IKZF3: variants seen among roughly 807,000 people sequenced by gnomAD.
The protein encoded by IKZF3 is zinc finger protein Aiolos.
In IKZF3, 10 loss-of-function variants were observed where a neutral mutation model predicts 49.0. The observed-to-expected ratio is 0.20, with a 90% CI of 0.13 to 0.35. The LOEUF is 0.35. IKZF3 is among the 10% of genes least tolerant of loss of function. The probability of loss-of-function intolerance (pLI) is 1.00; values close to 1 mark genes in which losing one functional copy is unlikely to be tolerated. For missense variants in IKZF3, 498 were observed against 664.8 expected, an observed-to-expected ratio of 0.75 and a Z score of 2.76; for synonymous variants, 209 against 228.2, an observed-to-expected ratio of 0.92 and a Z score of 0.76.
chr17:39,843,610 A>G (rs1371916743), intron 1 of IKZF3, among the ~76,000 whole-genome samples: 2 of 152,164 alleles, frequency 1.3e-5, no homozygotes, highest in South Asian at 2.1e-4. Flanking sequence ...AATAGCTCTC[A>G]ATATTTTTAA....
intron 1 of IKZF3, 92 bp from the exon 2 acceptor site, chr17:39,832,243 A>C: frequency 1.2e-6 from 1 of 835,532 alleles, no homozygotes; most frequent in Non-Finnish European, 2.0e-6. Context: ...CCATTTCGGA[A>C]AACTTAACAG....
chr17:39,837,283 C>T (rs894872525), intron 1 of IKZF3, among the ~76,000 whole-genome samples: 3 of 152,012 alleles, frequency 2.0e-5, no homozygotes, highest in Admixed American at 6.5e-5. Flanking sequence ...TCTGGTATCA[C>T]GTCCCTACAG....
At chr17:39,822,004 C>G (rs1171880283) in intron 3 of IKZF3, among the ~76,000 whole-genome samples, 1 of 152,150 alleles carries the variant, frequency 6.6e-6, no homozygotes, top group African/African-American at 2.4e-5. Flanking sequence ...GGAACAATCA[C>G]AGATGGCTAC....
intron 1 of IKZF3, among the ~76,000 whole-genome samples, chr17:39,851,070 TAG>T (rs948830503): frequency 2.0e-5 from 3 of 147,472 alleles, no homozygotes; most frequent in African/African-American, 7.5e-5. Flanking sequence ...TATATATATA[TAG>T]AGAGAGAGGG....
intron 3 of IKZF3, among the ~76,000 whole-genome samples, chr17:39,800,649 C>G (rs542583248): frequency 6.6e-6 from 1 of 152,092 alleles, no homozygotes; most frequent in Non-Finnish European, 1.5e-5. Context: ...ATGACACACA[C>G]GAACACACAC....
In IKZF3 at chr17:39,825,554, G is replaced by A. The variant is rs116860191; in HGVS notation, c.163+3833C>T. Among the ~76,000 whole-genome samples the A allele has an allele frequency of 6.7e-4, 102 of 152,298 alleles. 3 individuals carry two copies. In the East Asian group the frequency reaches 0.012, roughly 18 times the overall value. ...CATAGAGATGGTCTCTGGTTGACTG[G>A]TATCTGGCCCTGGGATGACTTAGGG... On this transcript the variant is annotated intron_variant, in intron 3 of 7. Coordinates refer to ENST00000346872, the MANE Select transcript of IKZF3 (RefSeq NM_012481.5).
At chr17:39,798,720 T>C (rs1284650279) in intron 3 of IKZF3, among the ~76,000 whole-genome samples, 1 of 152,150 alleles carries the variant, frequency 6.6e-6, no homozygotes, top group Non-Finnish European at 1.5e-5. Context: ...TTAGCCAGGA[T>C]GGTCTCAATC....
intron 3 of IKZF3, among the ~76,000 whole-genome samples, chr17:39,825,890 G>A (rs1282461570): frequency 6.6e-6 from 1 of 152,112 alleles, no homozygotes; most frequent in Non-Finnish European, 1.5e-5. Context: ...GGTACCTTAG[G>A]AATGAAAGGA....
chr17:39,830,052 T>A (rs1050152484), intron 2 of IKZF3, among the ~76,000 whole-genome samples: 1 of 152,250 alleles, frequency 6.6e-6, no homozygotes, highest in Non-Finnish European at 1.5e-5. Flanking sequence ...TAAAGGGCAC[T>A]CATGTTCCTT....
At chr17:39,792,963 A>G (rs1047907755) in intron 3 of IKZF3, 30 bp from the exon 4 acceptor site, 5 of 1,606,346 alleles carry the variant, frequency 3.1e-6, no homozygotes, top group Non-Finnish European at 4.3e-6. Flanking sequence ...AGAAATGAAC[A>G]ACGACTATAC....
chr17:39,840,017 C>T (rs1427016662), intron 1 of IKZF3, among the ~76,000 whole-genome samples: 2 of 152,130 alleles, frequency 1.3e-5, no homozygotes, highest in Admixed American at 6.5e-5. Context: ...ACTCAAACTC[C>T]GTCTCACCTG....
At chr17:39,773,597 A>G (rs1237538615) in intron 7 of IKZF3, among the ~76,000 whole-genome samples, 4 of 152,218 alleles carry the variant, frequency 2.6e-5, no homozygotes, top group Admixed American at 1.3e-4. Context: ...ACTTCCTTTA[A>G]TAAAGTAATA....
chr17:39,785,438 T>A (rs1158139439), intron 6 of IKZF3, among the ~76,000 whole-genome samples: 1 of 152,176 alleles, frequency 6.6e-6, no homozygotes, highest in African/African-American at 2.4e-5. Context: ...CAAACCACCC[T>A]ATGAAATGCA....
At chr17:39,773,965 GAAAC>G (rs547113768) in intron 7 of IKZF3, among the ~76,000 whole-genome samples, 122 of 150,894 alleles carry the variant, frequency 8.1e-4, no homozygotes, top group African/African-American at 2.9e-3. Flanking sequence ...TTTCCCATTT[GAAAC>G]AAAGACATAC....
rs1049803237 is a variant in IKZF3 at position 39,760,540 on chromosome 17, T to G, written c.*5250A>C. ...GGTTTCTCCATGTTGGTCAGGCTGG[T>G]CTCGAACTCCCAAACTCAGGTGATC... On this transcript the variant is annotated 3_prime_UTR_variant, in exon 8 of 8. Coordinates refer to ENST00000346872, the MANE Select transcript of IKZF3 (RefSeq NM_012481.5). The G allele has an allele frequency of 1.3e-5, 2 of 152,256 alleles. No individual in the cohort carries two copies. Among genetic ancestry groups the G allele is most frequent in the Non-Finnish European group, 2.9e-5 (2 of 68,112 alleles). The allele number at this position is 152,256 out of a possible 1,614,324, so 9.4% of individuals were successfully genotyped here.
chr17:39,765,204 A>T lies in IKZF3; in HGVS notation c.*586T>A, dbSNP rs528385729. 8.7e-4 allele frequency: 133 copies of T among 152,482 alleles called. No homozygotes were observed. The highest frequency in any genetic ancestry group is 3.1e-3 in the African/African-American group (127 of 41,548). 9.4% of individuals were successfully genotyped at this position (152,482 alleles called of 1,614,324 possible). Reference sequence around the variant, plus strand: ...GAAGTGCCATCAGATGACATTTTTTAAAAATGTTGTGATAGGAAATGGATC... The same window carrying T: ...GAAGTGCCATCAGATGACATTTTTTTAAAATGTTGTGATAGGAAATGGATC... On this transcript the variant is annotated 3_prime_UTR_variant, in exon 8 of 8. Transcript: ENST00000346872.
intron 1 of IKZF3, among the ~76,000 whole-genome samples, chr17:39,853,953 C>G (rs1048389797): frequency 1.4e-5 from 2 of 147,636 alleles, no homozygotes; most frequent in African/African-American, 5.0e-5. Context: ...TATGGTGAAA[C>G]CTGTCTCTAC....
chr17:39,829,447 G>A lies in IKZF3; in HGVS notation c.103C>T (p.His35Tyr). 1.9e-6 allele frequency: 3 copies of A among 1,614,018 alleles called. No homozygotes were observed. The highest frequency in any genetic ancestry group is 2.5e-6 in the Non-Finnish European group (3 of 1,179,920). Residue 35 changes from histidine to tyrosine, a missense_variant, in exon 3 of 8, where the codon CAT becomes TAT. Around this residue, in one of 3 missense-constraint regions of IKZF3, gnomAD observed 97 missense variants for 98.9 expected, o/e 0.98. Transcript: ENST00000346872. Reference sequence around the variant, plus strand: ...CCACTGTCCACATTTTCCATTTCATGAGATTTGGTTAAACTGTAGTCATTC... The same window carrying A: ...CCACTGTCCACATTTTCCATTTCATAAGATTTGGTTAAACTGTAGTCATTC... ...VLNDYSLTKS[H>Y]EMENVDSGEG... is the part of the protein sequence containing the mutation.
intron 6 of IKZF3, among the ~76,000 whole-genome samples, chr17:39,782,161 G>T (rs1489640181): frequency 6.6e-6 from 1 of 152,186 alleles, no homozygotes; most frequent in Non-Finnish European, 1.5e-5. Flanking sequence ...TTCAATTGAA[G>T]ATGGCACTCA....
Sources: gnomAD v4.1 joint callset for allele counts (sites outside exome capture counted in the v4.1 genomes callset) on GRCh38, gnomAD v4.1.1 for gene constraint, gnomAD v4.1.1 regional missense constraint, MANE v1.5 for transcripts, NCBI Gene and HGNC (gene_info 2026-07-23, HGNC 2026-07-21) for gene names.